Variants in ELOVL5 observed in about 807,000 individuals in gnomAD.
ELOVL5 encodes the protein ELOVL fatty acid elongase 5, also known as very long chain fatty acid elongase 5.
In ELOVL5, 8 loss-of-function variants were observed where a neutral mutation model predicts 38.6. The ratio of observed to expected loss-of-function variants is 0.21; its 90% CI spans 0.12 to 0.37. The LOEUF is 0.37. ELOVL5 is among the 10% of genes least tolerant of loss of function. ELOVL5 has a pLI of 1.00. For missense variants in ELOVL5, 280 were observed against 367.8 expected (o/e 0.76, Z 1.95); for synonymous variants, 127 against 133.7 (o/e 0.95, Z 0.34).
At chr6:53,272,492 TTAG>T (rs1765962324) in intron 6 of ELOVL5, among the ~76,000 whole-genome samples, 2 of 152,214 alleles carry the variant, frequency 1.3e-5, no homozygotes. Flanking sequence ...AATCATGTAC[TTAG>T]TATGAGTACC....
rs942817174 is a variant in ELOVL5, at chr6:53,271,789, T to C, written c.622-1062A>G. 2.0e-4 allele frequency among the ~76,000 whole-genome samples: 30 copies of C among 152,138 alleles called. 1 individual carries two copies. Among genetic ancestry groups the C allele is most frequent in the African/African-American group, 6.5e-4 (27 of 41,476 alleles). On this transcript the variant is annotated intron_variant, in intron 6 of 7. Coordinates refer to ENST00000304434, the MANE Select transcript of ELOVL5 (RefSeq NM_021814.5). ...GCCTTCTCTTTTTTAAGGTTAGTAC[T>C]GCAGACTGAGGAATAACTAGGAGTG...
intron 3 of ELOVL5, among the ~76,000 whole-genome samples, chr6:53,282,788 T>C (rs1323022224): frequency 6.6e-6 from 1 of 152,238 alleles, no homozygotes; most frequent in African/African-American, 2.4e-5. Context: ...TAAAATTCAA[T>C]AATCAATTGC....
At position 53,273,318 on chromosome 6, in the gene ELOVL5, A is replaced by C; in HGVS notation, c.523T>G (p.Phe175Val). The change falls in exon 6 of 8, where the codon TTC becomes GTC. Residue 175 changes from phenylalanine (F) to valine (V), a missense_variant. Transcript: ENST00000304434. ...TAAGAGTACATGAGGACGTGGATGAAGCTATTAAGTGTGGCACCAAAATAA... is the reference window on the plus strand; with the variant it reads ...TAAGAGTACATGAGGACGTGGATGACGCTATTAAGTGTGGCACCAAAATAA... ...HSYFGATLNS[F>V]IHVLMYSYYG... 6.2e-7 allele frequency: 1 copy of C among 1,613,768 alleles called. No homozygotes were observed. The highest frequency in any genetic ancestry group is 8.5e-7 in the Non-Finnish European group (1 of 1,179,714).
intron 3 of ELOVL5, among the ~76,000 whole-genome samples, chr6:53,289,908 C>CT (rs1229568268): frequency 6.6e-6 from 1 of 152,168 alleles, no homozygotes; most frequent in East Asian, 1.9e-4. Flanking sequence ...ACCTGGATAG[C>CT]TTTTTGTAAA....
In ELOVL5 at chr6:53,268,876, A is replaced by G; in HGVS notation, c.*251T>C. The stretch of plus-strand genomic sequence containing the variant: ...ACTAATAAGGCAACAGCAGTGTTGT[A>G]TACTATAATAATACTCCCTTTCCAC... On this transcript the variant is annotated 3_prime_UTR_variant, in exon 8 of 8. Coordinates refer to ENST00000304434, the MANE Select transcript of ELOVL5 (RefSeq NM_021814.5). 1 of 358,528 alleles carries G rather than the reference A, an allele frequency of 2.8e-6. No individual in the cohort carries two copies. The highest frequency in any genetic ancestry group is 4.5e-5 in the Admixed American group (1 of 22,430). 22.2% of individuals were successfully genotyped at this position (358,528 alleles called of 1,614,324 possible). A position where few individuals can be genotyped will look rare whatever the true frequency, so the allele number is the denominator to read the frequency against.
intron 3 of ELOVL5, among the ~76,000 whole-genome samples, chr6:53,281,414 G>C (rs1328055533): frequency 6.6e-6 from 1 of 152,140 alleles, no homozygotes; most frequent in East Asian, 1.9e-4. Flanking sequence ...CAGGGAATGA[G>C]AAGTGATAAG....
chr6:53,324,051 A>C (rs1468546644), intron 1 of ELOVL5, among the ~76,000 whole-genome samples: 1 of 152,070 alleles, frequency 6.6e-6, no homozygotes, highest in Non-Finnish European at 1.5e-5. Context: ...TCAGGAGTTC[A>C]AGACCAGCCT....
At chr6:53,320,398 G>A (rs185126417) in intron 1 of ELOVL5, among the ~76,000 whole-genome samples, 213 of 151,824 alleles carry the variant, frequency 1.4e-3, no homozygotes, top group Non-Finnish European at 2.4e-3. Context: ...GTGCAGTGGC[G>A]CGATCTCGGC....
At chr6:53,305,924 G>A (rs1281072980) in intron 1 of ELOVL5, among the ~76,000 whole-genome samples, 4 of 152,068 alleles carry the variant, frequency 2.6e-5, no homozygotes, top group African/African-American at 9.7e-5. Flanking sequence ...ATTGAGCACT[G>A]AGTTAACGAG....
At chr6:53,315,116 A>G (rs564105204) in intron 1 of ELOVL5, among the ~76,000 whole-genome samples, 33 of 152,332 alleles carry the variant, frequency 2.2e-4, no homozygotes, top group African/African-American at 7.9e-4. Flanking sequence ...TCTGGAGGCT[A>G]GGAAGTCCAT....
chr6:53,332,052 C>A (rs1768827626), intron 1 of ELOVL5, among the ~76,000 whole-genome samples: 1 of 152,182 alleles, frequency 6.6e-6, no homozygotes, highest in South Asian at 2.1e-4. Flanking sequence ...ACATTGAACT[C>A]TTTACCATGA....
chr6:53,290,722 G>A (rs1203317536), intron 3 of ELOVL5, among the ~76,000 whole-genome samples: 1 of 152,024 alleles, frequency 6.6e-6, no homozygotes. Flanking sequence ...AATCAAATAT[G>A]CCTGCACACG....
chr6:53,295,627 C>A lies in ELOVL5; in HGVS notation c.58+15G>T. ...TGATGCTGCAGAAGGTAAGCAAAAC[C>A]AAAAACCACCTTACCTCGAGGGCCT... On this transcript the variant is annotated intron_variant, in intron 2 of 7. Coordinates refer to ENST00000304434, the MANE Select transcript of ELOVL5 (RefSeq NM_021814.5). The A allele has an allele frequency of 1.3e-6, 2 of 1,594,138 alleles. No individual in the cohort carries two copies. Among genetic ancestry groups the A allele is most frequent in the Admixed American group, 1.8e-5 (1 of 55,470 alleles).
intron 1 of ELOVL5, among the ~76,000 whole-genome samples, chr6:53,346,377 G>A (rs566695418): frequency 6.6e-6 from 1 of 152,164 alleles, no homozygotes; most frequent in African/African-American, 2.4e-5. Flanking sequence ...ACATACGTGT[G>A]CATGTGTCTT....
intron 3 of ELOVL5, among the ~76,000 whole-genome samples, chr6:53,283,222 G>A (rs1766428121): frequency 6.6e-6 from 1 of 152,186 alleles, no homozygotes; most frequent in African/African-American, 2.4e-5. Context: ...TACCTATAAT[G>A]CGAGGGAGGT....
intron 3 of ELOVL5, among the ~76,000 whole-genome samples, chr6:53,285,073 T>C (rs1416457872): frequency 3.3e-5 from 5 of 152,206 alleles, no homozygotes; most frequent in Non-Finnish European, 5.9e-5. Context: ...AAGAGTAGCA[T>C]GTCTCTCACT....
At chr6:53,288,982 T>C (rs1766674748) in intron 3 of ELOVL5, among the ~76,000 whole-genome samples, 1 of 152,142 alleles carries the variant, frequency 6.6e-6, no homozygotes, top group Admixed American at 6.5e-5. Flanking sequence ...GGGAGATCAG[T>C]TGAGCCCAGG....
intron 1 of ELOVL5, among the ~76,000 whole-genome samples, chr6:53,346,445 A>G (rs552769599): frequency 2.4e-4 from 36 of 152,306 alleles, no homozygotes; most frequent in African/African-American, 7.9e-4. Flanking sequence ...CAGAGGTGTT[A>G]TAAGAATTAC....
At chr6:53,296,853 T>C (rs1423795273) in intron 1 of ELOVL5, among the ~76,000 whole-genome samples, 3 of 152,256 alleles carry the variant, frequency 2.0e-5, no homozygotes, top group Non-Finnish European at 4.4e-5. Flanking sequence ...ACTGATTTTA[T>C]TAACTAAGCT....
Sources: gnomAD v4.1 joint callset for allele counts (sites outside exome capture counted in the v4.1 genomes callset) on GRCh38, gnomAD v4.1.1 for gene constraint, MANE v1.5 for transcripts, NCBI Gene and HGNC (gene_info 2026-07-23, HGNC 2026-07-21) for gene names.